The following SUGCT variants were observed in gnomAD, a reference collection of about 807,000 sequenced individuals.
SUGCT encodes succinyl-CoA:glutarate-CoA transferase.
SUGCT carries 41 observed loss-of-function variants against 55.0 expected under a neutral mutation model. The ratio of observed to expected loss-of-function variants is 0.74; its 90% CI spans 0.58 to 0.97. SUGCT has a LOEUF of 0.97. SUGCT is among the 50% of genes least tolerant of loss of function. The pLI, the probability that SUGCT is intolerant of heterozygous loss-of-function variation, is 0.00. For missense variants in SUGCT, 568 were observed against 547.8 expected (o/e 1.04, Z -0.37); for synonymous variants, 187 against 200.4 (o/e 0.93, Z 0.56).
intron 12 of SUGCT, among the ~76,000 whole-genome samples, chr7:40,529,771 A>T (rs1174550607): frequency 6.6e-6 from 1 of 152,190 alleles, no homozygotes; most frequent in Non-Finnish European, 1.5e-5. Context: ...GTGCAAAAGG[A>T]ATTATGGTTT....
chr7:40,655,960 G>A (rs1464199479), intron 12 of SUGCT, among the ~76,000 whole-genome samples: 1 of 152,074 alleles, frequency 6.6e-6, no homozygotes, highest in Non-Finnish European at 1.5e-5. Flanking sequence ...AAAATAAGTT[G>A]TTAAATAATA....
chr7:40,857,980 C>G (rs1365483275), intron 13 of SUGCT, among the ~76,000 whole-genome samples: 1 of 152,130 alleles, frequency 6.6e-6, no homozygotes, highest in African/African-American at 2.4e-5. Context: ...CTATCATTTT[C>G]TAGCTGTGTG....
intron 12 of SUGCT, among the ~76,000 whole-genome samples, chr7:40,503,611 A>G (rs947822883): frequency 6.6e-6 from 1 of 152,152 alleles, no homozygotes; most frequent in South Asian, 2.1e-4. Context: ...AATAACGGAA[A>G]TTAACTGTTA....
intron 1 of SUGCT, among the ~76,000 whole-genome samples, chr7:40,139,385 CGG>C (rs1787869657): frequency 6.6e-6 from 1 of 151,946 alleles, no homozygotes; most frequent in African/African-American, 2.4e-5. Flanking sequence ...TTAGCAGAGA[CGG>C]GGGTTTCACC....
chr7:41,032,844 A>T, the SUGCT span, among the ~76,000 whole-genome samples: 2 of 152,084 alleles, frequency 1.3e-5, no homozygotes, highest in Non-Finnish European at 2.9e-5. Flanking sequence ...GCTCACTGCA[A>T]CCTCTGCCTC....
chr7:40,354,663 A>G (rs1797804131), intron 9 of SUGCT, among the ~76,000 whole-genome samples: 1 of 152,224 alleles, frequency 6.6e-6, no homozygotes, highest in Non-Finnish European at 1.5e-5. Context: ...TAAAATAACC[A>G]GGAGATCAGA....
At chr7:40,914,047 A>ATT in the SUGCT span, among the ~76,000 whole-genome samples, 1 of 144,602 alleles carries the variant, frequency 6.9e-6, no homozygotes, top group Non-Finnish European at 1.5e-5. Context: ...TTAAGTCAAG[A>ATT]TTTTTTTTTT....
At chr7:40,189,457 G>T (rs2150733714) in intron 4 of SUGCT, 87 bp from the exon 5 acceptor site, 1 of 243,170 alleles carries the variant, frequency 4.1e-6, no homozygotes, top group Non-Finnish European at 7.5e-6. Flanking sequence ...TGTTTGTTAT[G>T]TGGGTATATT....
intron 12 of SUGCT, among the ~76,000 whole-genome samples, chr7:40,525,663 C>A (rs1793757370): frequency 6.6e-6 from 1 of 151,862 alleles, no homozygotes; most frequent in Admixed American, 6.6e-5. Flanking sequence ...ACTTAACAAG[C>A]ATAAGGGTTT....
the SUGCT span, among the ~76,000 whole-genome samples, chr7:40,986,613 C>G: frequency 5.2e-3 from 793 of 152,278 alleles, 4 homozygotes; most frequent in Non-Finnish European, 8.9e-3. Context: ...TGCTGTAATT[C>G]TAAGGAAAAC....
At chr7:40,680,589 C>G (rs769831308) in intron 12 of SUGCT, among the ~76,000 whole-genome samples, 12 of 152,128 alleles carry the variant, frequency 7.9e-5, no homozygotes, top group Non-Finnish European at 1.6e-4. Context: ...ACTCACCTCC[C>G]CACCCAAGGA....
At chr7:40,868,706 C>G in the SUGCT span, among the ~76,000 whole-genome samples, 1 of 152,054 alleles carries the variant, frequency 6.6e-6, no homozygotes, top group African/African-American at 2.4e-5. Context: ...CCACCATGCA[C>G]AGCTAATTTT....
intron 1 of SUGCT, among the ~76,000 whole-genome samples, chr7:40,166,761 C>T (rs2150664761): frequency 6.6e-6 from 1 of 152,046 alleles, no homozygotes; most frequent in Middle Eastern, 3.4e-3. Flanking sequence ...GTGGTGGGTG[C>T]CTGTAATTCC....
chr7:40,271,324 T>C (rs898760868), intron 7 of SUGCT, among the ~76,000 whole-genome samples: 1 of 151,814 alleles, frequency 6.6e-6, no homozygotes, highest in East Asian at 1.9e-4. Flanking sequence ...TAGGCGGGGG[T>C]CTCACTATGT....
the SUGCT span, among the ~76,000 whole-genome samples, chr7:40,874,307 G>A: frequency 9.8e-5 from 15 of 152,334 alleles, no homozygotes; most frequent in South Asian, 6.2e-4. Context: ...GACCAAAACT[G>A]AGCCAAAAGA....
chr7:40,887,877 A>C, the SUGCT span, among the ~76,000 whole-genome samples: 1 of 152,150 alleles, frequency 6.6e-6, no homozygotes, highest in African/African-American at 2.4e-5. Context: ...AAGCAGGGGA[A>C]TGTGGTACCG....
the SUGCT span, among the ~76,000 whole-genome samples, chr7:40,875,898 A>G: frequency 6.6e-6 from 1 of 152,196 alleles, no homozygotes; most frequent in East Asian, 1.9e-4. Context: ...CTTACTGAAC[A>G]TGAACAAGAA....
the SUGCT span, among the ~76,000 whole-genome samples, chr7:40,917,631 A>AC: frequency 6.6e-6 from 1 of 152,178 alleles, no homozygotes; most frequent in South Asian, 2.1e-4. Context: ...AACAACAACA[A>AC]CAAAAACAAA....
chr7:40,973,658 T>C, the SUGCT span, among the ~76,000 whole-genome samples: 1 of 152,226 alleles, frequency 6.6e-6, no homozygotes, highest in Non-Finnish European at 1.5e-5. Flanking sequence ...GCCAGTGGGT[T>C]TGGGCATGGG....
Sources: gnomAD v4.1 joint callset for allele counts (sites outside exome capture counted in the v4.1 genomes callset) on GRCh38, gnomAD v4.1.1 for gene constraint, MANE v1.5 for transcripts, NCBI Gene and HGNC (gene_info 2026-07-23, HGNC 2026-07-21) for gene names.